Variants in GRIN2B observed in about 807,000 individuals in gnomAD.
The protein encoded by GRIN2B is glutamate ionotropic receptor NMDA type subunit 2B.
Under a neutral mutation model 114.5 loss-of-function variants are expected in GRIN2B, and 5 were observed. The observed-to-expected ratio is 0.04, with a 90% CI of 0.02 to 0.09. The LOEUF is 0.09. Ranked by LOEUF, GRIN2B falls within the 10% of genes least tolerant of loss-of-function variation. GRIN2B has a pLI of 1.00. For synonymous variants in GRIN2B, 787 were observed against 745.1 expected (o/e 1.06, Z -0.92); for missense variants, 1,108 against 1,943.5 (o/e 0.57, Z 8.08).
rs1181659682 is a variant in GRIN2B at position 13,567,076 on chromosome 12, G to C, written c.2547C>G (p.Cys849Trp). The C allele has an allele frequency of 1.2e-6, 2 of 1,614,138 alleles. No homozygotes were observed. Among genetic ancestry groups the C allele is most frequent in the Non-Finnish European group, 1.7e-6 (2 of 1,179,990 alleles). Residue 849 changes from cysteine to tryptophan, a missense_variant, in exon 13 of 14, where the codon TGC becomes TGG. Cys to Trp is a radical substitution (Grantham distance 215). Around this residue, in one of 19 missense-constraint regions of GRIN2B, gnomAD observed 30 missense variants for 35.9 expected, o/e 0.84. Coordinates refer to ENST00000609686, the MANE Select transcript of GRIN2B (RefSeq NM_000834.5). ...GCTTGCCAGAACAGACACCCATAAA[G>C]CAATGTCGGAACTGCCAATAGAAAA... ...EHLFYWQFRHCFMGVCSGKPG... is the reference protein window; with the variant it reads ...EHLFYWQFRHWFMGVCSGKPG...
At chr12:13,938,773 G>C (rs550799416) in intron 2 of GRIN2B, among the ~76,000 whole-genome samples, 2 of 152,264 alleles carry the variant, frequency 1.3e-5, no homozygotes, top group Admixed American at 1.3e-4. Context: ...AACTTCCTTC[G>C]ATGATGGAAA....
chr12:13,814,321 A>G (rs577261890), intron 3 of GRIN2B, among the ~76,000 whole-genome samples: 5 of 152,342 alleles, frequency 3.3e-5, no homozygotes, highest in Admixed American at 2.6e-4. Flanking sequence ...CTCACATGCT[A>G]TGTTTAGCCA....
intron 2 of GRIN2B, among the ~76,000 whole-genome samples, chr12:13,965,555 C>T (rs1383256236): frequency 2.0e-5 from 1 of 49,022 alleles, no homozygotes; most frequent in Non-Finnish European, 6.4e-5. Flanking sequence ...CCAGATTACA[C>T]ACCACACACA....
At chr12:13,902,291 AT>A (rs1343424138) in intron 2 of GRIN2B, among the ~76,000 whole-genome samples, 1 of 152,196 alleles carries the variant, frequency 6.6e-6, no homozygotes, top group Non-Finnish European at 1.5e-5. Flanking sequence ...CCGCATATTA[AT>A]TTCAATTAAA....
chr12:13,587,359 G>A (rs373030332), intron 10 of GRIN2B, among the ~76,000 whole-genome samples: 6 of 78,346 alleles, frequency 7.7e-5, no homozygotes, highest in African/African-American at 1.4e-4. Context: ...TTTTTTTTTT[G>A]TATTGTTTTT....
intron 3 of GRIN2B, among the ~76,000 whole-genome samples, chr12:13,850,656 G>A (rs1277780212): frequency 1.3e-5 from 2 of 152,096 alleles, no homozygotes; most frequent in African/African-American, 4.8e-5. Flanking sequence ...AGGTCAACTG[G>A]GAAAGGGAGG....
rs1477220555 is a variant in GRIN2B, at chr12:13,608,502, C to T, written c.2010+101G>A. On this transcript the variant is annotated intron_variant, in intron 10 of 13. Transcript: ENST00000609686. ...ACAAGAAAACATAAGAAAGAACGGT[C>T]AATTCCAAAAATTTAGAAGACAAGC... 6.0e-6 allele frequency: 5 copies of T among 838,284 alleles called. No individual in the cohort carries two copies. The East Asian group carries it at 1.3e-4, about 22-fold the overall frequency. The allele number at this position is 838,284 out of a possible 1,614,324, so 51.9% of individuals were successfully genotyped here.
chr12:13,687,059 G>A (rs964726804), intron 4 of GRIN2B, among the ~76,000 whole-genome samples: 9 of 151,734 alleles, frequency 5.9e-5, no homozygotes, highest in African/African-American at 1.9e-4. Flanking sequence ...CTTCCCCCAC[G>A]AGTAGAAGCA....
intron 2 of GRIN2B, among the ~76,000 whole-genome samples, chr12:13,937,499 A>C (rs1409771769): frequency 2.7e-5 from 1 of 37,458 alleles, no homozygotes; most frequent in African/African-American, 7.4e-5. Flanking sequence ...AGTGCCAAAA[A>C]AAGAAAAAAA....
intron 3 of GRIN2B, among the ~76,000 whole-genome samples, chr12:13,852,889 C>A (rs1362094596): frequency 6.6e-6 from 1 of 152,114 alleles, no homozygotes; most frequent in Non-Finnish European, 1.5e-5. Flanking sequence ...AAAAACAGCA[C>A]CCTGCCAATA....
intron 5 of GRIN2B, chr12:13,670,323 A>C (rs1345665888): frequency 6.6e-6 from 1 of 152,126 alleles, no homozygotes; most frequent in Non-Finnish European, 1.5e-5. Context: ...GTGGGCTTAT[A>C]AAACACCCTC....
chr12:13,793,717 C>T (rs1335248349), intron 3 of GRIN2B, among the ~76,000 whole-genome samples: 1 of 152,160 alleles, frequency 6.6e-6, no homozygotes, highest in Non-Finnish European at 1.5e-5. Flanking sequence ...ATTGCTATTC[C>T]AGCTGCTTTC....
rs11611101 is a variant in GRIN2B, at chr12:13,823,096, T to C, written c.411+42702A>G. 1.9e-3 allele frequency among the ~76,000 whole-genome samples: 293 copies of C among 152,012 alleles called. 8 individuals are homozygous for C. The East Asian group carries it at 0.045, about 23-fold the overall frequency. On this transcript the variant is annotated intron_variant, in intron 3 of 13. Transcript: ENST00000609686. ...GTCCTTTATAGCAAGTTTTAAGGTA[T>C]TGTAAGTCCCCCAACTTTGTTATTC...
intron 2 of GRIN2B, among the ~76,000 whole-genome samples, chr12:13,900,589 G>A (rs1196637965): frequency 6.6e-6 from 1 of 152,060 alleles, no homozygotes; most frequent in East Asian, 1.9e-4. Context: ...AAATGTCCCT[G>A]TGTGCCCTTC....
intron 3 of GRIN2B, among the ~76,000 whole-genome samples, chr12:13,835,020 A>G (rs546060174): frequency 1.3e-5 from 2 of 152,298 alleles, no homozygotes; most frequent in African/African-American, 4.8e-5. Flanking sequence ...TTCATGTGCC[A>G]AGGACAGAGC....
chr12:13,722,393 G>A (rs569502474), intron 4 of GRIN2B, among the ~76,000 whole-genome samples: 3 of 152,162 alleles, frequency 2.0e-5, no homozygotes, highest in South Asian at 4.1e-4. Flanking sequence ...TCAAAAAAGC[G>A]AAATTCAAGA....
chr12:13,816,103 CAT>C (rs1203114611), intron 3 of GRIN2B, among the ~76,000 whole-genome samples: 1 of 152,178 alleles, frequency 6.6e-6, no homozygotes, highest in East Asian at 1.9e-4. Flanking sequence ...ATCTGGTCCA[CAT>C]GTGTGAAAAA....
chr12:13,848,164 C>T (rs545477296), intron 3 of GRIN2B, among the ~76,000 whole-genome samples: 5 of 152,286 alleles, frequency 3.3e-5, no homozygotes, highest in African/African-American at 1.2e-4. Flanking sequence ...CAGGAAAGTA[C>T]CTTCCGTTTA....
rs187532730 is a variant in GRIN2B at position 13,573,215 on chromosome 12, G to C, written c.2011-1251C>G. On this transcript the variant is annotated intron_variant, in intron 10 of 13. Transcript: ENST00000609686. The stretch of plus-strand genomic sequence containing the variant: ...GCCTGTAATCCCAGCACTTTGGGAG[G>C]CCGAGGCGGGCGGATCACGAGGTCA... 2.2e-3 allele frequency among the ~76,000 whole-genome samples: 324 copies of C among 149,592 alleles called. 17 individuals carry two copies. The East Asian group carries it at 0.026, about 12-fold the overall frequency.
Sources: allele counts gnomAD v4.1 joint callset (sites outside exome capture counted in the v4.1 genomes callset), GRCh38; gene constraint gnomAD v4.1.1; regional missense constraint gnomAD v4.1.1; transcripts MANE v1.5; gene names NCBI Gene and HGNC (gene_info 2026-07-23, HGNC 2026-07-21).